The following DCX variants were observed in gnomAD, a reference collection of about 807,000 sequenced individuals.
DCX encodes the protein neuronal migration protein doublecortin.
DCX carries 4 observed loss-of-function variants against 20.9 expected under a neutral mutation model. The ratio of observed to expected loss-of-function variants is 0.19; its 90% CI spans 0.09 to 0.44. DCX has a LOEUF of 0.44. DCX is among the 20% of genes least tolerant of loss of function. The pLI, the probability that DCX is intolerant of heterozygous loss-of-function variation, is 0.99. For missense variants in DCX, 133 were observed against 296.9 expected (o/e 0.45, Z 4.06); for synonymous variants, 103 against 111.4 (o/e 0.92, Z 0.47).
intron 3 of DCX, among the ~76,000 whole-genome samples, chrX:111,348,179 C>T (rs1922994788): frequency 8.9e-6 from 1 of 111,889 alleles, no homozygotes; most frequent in Admixed American, 9.4e-5. Flanking sequence ...TTTATTCTGA[C>T]ACTATAGGTA....
intron 3 of DCX, among the ~76,000 whole-genome samples, chrX:111,365,278 G>A (rs1260509375): frequency 9.2e-6 from 1 of 108,905 alleles, no homozygotes; most frequent in Admixed American, 9.9e-5. Flanking sequence ...CATTATTTAT[G>A]TAATTAAAAA....
At chrX:111,367,446 AG>A (rs1924712014) in intron 3 of DCX, among the ~76,000 whole-genome samples, 1 of 112,139 alleles carries the variant, frequency 8.9e-6, no homozygotes, top group Non-Finnish European at 1.9e-5. Context: ...GTTCAGTCAG[AG>A]GAGTTTCCAC....
At chrX:111,377,913 A>C (rs180701682) in intron 3 of DCX, among the ~76,000 whole-genome samples, 4 of 111,216 alleles carry the variant, frequency 3.6e-5, no homozygotes, top group African/African-American at 1.3e-4. Flanking sequence ...AAAGGACTTA[A>C]CTAATCTTGA....
rs1393942314 is a variant in DCX, at chrX:111,301,287, GT to G, written c.*399del. ...TTGTCATTCTTGGATCTGCCAATGAGTTTTTTTTTTCCCACACAAACATTTT... is the reference window on the plus strand; with the variant it reads ...TTGTCATTCTTGGATCTGCCAATGAGTTTTTTTTTCCCACACAAACATTTT... On this transcript the variant is annotated 3_prime_UTR_variant, in exon 7 of 7. Transcript: ENST00000636035. 4.8e-4 allele frequency: 74 copies of G among 153,566 alleles called. No individual in the cohort carries two copies. Among genetic ancestry groups the G allele is most frequent in the South Asian group, 8.2e-4 (5 of 6,072 alleles). The allele number at this position is 153,566 out of a possible 1,213,427, so 12.7% of individuals were successfully genotyped here.
rs1169026948 is a variant in DCX, at chrX:111,316,086, T to TAAATA, written c.947-3351_947-3350insTATTT. On this transcript the variant is annotated intron_variant, in intron 5 of 6. Transcript: ENST00000636035. ...CTAAAACTTAGAGTATAATAAAAAA[T>TAAATA]AAAAAAAAAAAAAAAAAAAAAAAAT... is the stretch of plus-strand genomic sequence containing the variant. Among the ~76,000 whole-genome samples the TAAATA allele has an allele frequency of 4.0e-3, 203 of 50,622 alleles. 1 individual carries two copies. Among genetic ancestry groups the TAAATA allele is most frequent in the African/African-American group, 0.016 (195 of 12,487 alleles). The allele number at this position is 50,622 out of a possible 115,157, so 44.0% of individuals were successfully genotyped here.
chrX:111,315,890 G>A (rs762982041), intron 5 of DCX, among the ~76,000 whole-genome samples: 21 of 37,523 alleles, frequency 5.6e-4, no homozygotes, highest in Non-Finnish European at 8.0e-4. Flanking sequence ...GAGATCACAT[G>A]GACACAGGAA....
chrX:111,330,176 T>C (rs919227325), intron 5 of DCX, among the ~76,000 whole-genome samples: 5 of 112,201 alleles, frequency 4.5e-5, no homozygotes, highest in Non-Finnish European at 9.4e-5. Context: ...AAAAGGCAGC[T>C]GAGCTAAATG....
intron 3 of DCX, among the ~76,000 whole-genome samples, chrX:111,337,253 T>C (rs1356839199): frequency 8.9e-6 from 1 of 111,934 alleles, no homozygotes; most frequent in Non-Finnish European, 1.9e-5. Context: ...GTATGAATCA[T>C]ACTTGGATTT....
chrX:111,339,372 G>A (rs1033585202), intron 3 of DCX, among the ~76,000 whole-genome samples: 2 of 110,674 alleles, frequency 1.8e-5, no homozygotes, highest in African/African-American at 3.3e-5. Flanking sequence ...AGTTACCATG[G>A]GAGGAGAACT....
chrX:111,356,516 G>T (rs1485608812), intron 3 of DCX, among the ~76,000 whole-genome samples: 1 of 112,480 alleles, frequency 8.9e-6, no homozygotes, highest in Non-Finnish European at 1.9e-5. Context: ...ACAGAAATGG[G>T]ACCTATCTAT....
At chrX:111,304,697 A>G (rs2095041252) in intron 6 of DCX, among the ~76,000 whole-genome samples, 1 of 111,800 alleles carries the variant, frequency 8.9e-6, no homozygotes, top group African/African-American at 3.3e-5. Context: ...ATCAGTTGCA[A>G]TTGTTTAAAA....
chrX:111,397,781 ATATG>A (rs1305852235), intron 3 of DCX, among the ~76,000 whole-genome samples: 2 of 89,010 alleles, frequency 2.2e-5, no homozygotes, highest in African/African-American at 3.4e-5. Flanking sequence ...ATATCTACAT[ATATG>A]TGTGTGTGTA....
At chrX:111,353,283 C>T (rs1392023656) in intron 3 of DCX, among the ~76,000 whole-genome samples, 1 of 111,956 alleles carries the variant, frequency 8.9e-6, no homozygotes, top group Non-Finnish European at 1.9e-5. Flanking sequence ...GTGTATGCCT[C>T]AGGTTCCTGA....
At chrX:111,326,975 G>C (rs1195391293) in intron 5 of DCX, among the ~76,000 whole-genome samples, 1 of 111,785 alleles carries the variant, frequency 8.9e-6, no homozygotes, top group Non-Finnish European at 1.9e-5. Context: ...TATAGATATA[G>C]ATATCTAGCA....
chrX:111,351,562 A>G (rs1478232859), intron 3 of DCX, among the ~76,000 whole-genome samples: 1 of 112,346 alleles, frequency 8.9e-6, no homozygotes, highest in Non-Finnish European at 1.9e-5. Flanking sequence ...AATTTGGGGA[A>G]AATTCTAAGT....
intron 3 of DCX, among the ~76,000 whole-genome samples, chrX:111,351,031 A>G (rs761595556): frequency 2.7e-5 from 3 of 112,172 alleles, no homozygotes; most frequent in Non-Finnish European, 5.6e-5. Context: ...CCATGATTCA[A>G]TTATCTCCCA....
intron 1 of DCX, 47 bp downstream of exon 1, chrX:111,412,091 G>C (rs1359028545): frequency 8.9e-6 from 1 of 111,966 alleles, no homozygotes; most frequent in Admixed American, 9.4e-5. Context: ...TTTCCCGTTT[G>C]ACATCTGTTA....
At chrX:111,384,379 G>A (rs913147332) in intron 3 of DCX, among the ~76,000 whole-genome samples, 18 of 111,155 alleles carry the variant, frequency 1.6e-4, no homozygotes, top group African/African-American at 5.9e-4. Flanking sequence ...CATATACCAT[G>A]TTCCAGGCAC....
At chrX:111,368,349 T>C (rs766574703) in intron 3 of DCX, among the ~76,000 whole-genome samples, 1 of 111,669 alleles carries the variant, frequency 9.0e-6, no homozygotes, top group Non-Finnish European at 1.9e-5. Context: ...AAAAGTCCAA[T>C]TTTCTCAGAC....
Sources: allele counts gnomAD v4.1 joint callset (sites outside exome capture counted in the v4.1 genomes callset), GRCh38; gene constraint gnomAD v4.1.1; transcripts MANE v1.5; gene names NCBI Gene and HGNC (gene_info 2026-07-23, HGNC 2026-07-21).